The following SGMS2 variants were observed in gnomAD, a reference collection of about 807,000 sequenced individuals.
The protein encoded by SGMS2 is sphingomyelin synthase 2.
In SGMS2, 21 loss-of-function variants were observed where a neutral mutation model predicts 43.8. The ratio of observed to expected loss-of-function variants is 0.48; its 90% CI spans 0.34 to 0.69. The LOEUF (loss-of-function observed/expected upper bound fraction) is 0.69. Among genes scored for constraint, SGMS2 ranks in the 30% least tolerant of loss-of-function variants. The probability of loss-of-function intolerance (pLI) is 0.01; values close to 1 mark genes in which losing one functional copy is unlikely to be tolerated. For synonymous variants in SGMS2, 167 were observed against 160.6 expected (o/e 1.04, Z -0.30); for missense variants, 384 against 443.2 (o/e 0.87, Z 1.20).
chr4:107,865,268 C>T (rs1177052281), intron 2 of SGMS2, among the ~76,000 whole-genome samples: 2 of 152,066 alleles, frequency 1.3e-5, no homozygotes, highest in Non-Finnish European at 2.9e-5. Flanking sequence ...TAGTCTGCAA[C>T]CCAGAAAAAA....
intron 2 of SGMS2, among the ~76,000 whole-genome samples, chr4:107,881,693 G>C (rs1164382083): frequency 6.6e-6 from 1 of 152,008 alleles, no homozygotes; most frequent in Non-Finnish European, 1.5e-5. Flanking sequence ...TCAAATACCA[G>C]AACTTACTCA....
At position 107,896,349 on chromosome 4, in the gene SGMS2, C is replaced by T. The variant is rs140025458; in HGVS notation, c.455+341C>T. ...GGCTTGGAAAGGAATAACATTCACT[C>T]CCATCATGTTTGTTATTTCAGGCTC... On this transcript the variant is annotated intron_variant, in intron 3 of 6. Coordinates refer to ENST00000690982, the MANE Select transcript of SGMS2 (RefSeq NM_001375905.1). Among the ~76,000 whole-genome samples the T allele has an allele frequency of 2.4e-3, 362 of 152,224 alleles. 3 individuals carry two copies. Among genetic ancestry groups the T allele is most frequent in the African/African-American group, 8.4e-3 (347 of 41,538 alleles).
chr4:107,848,806 T>C (rs1367959062), intron 1 of SGMS2, among the ~76,000 whole-genome samples: 1 of 152,194 alleles, frequency 6.6e-6, no homozygotes, highest in African/African-American at 2.4e-5. Context: ...AATATGTTTT[T>C]TATCAGATGT....
chr4:107,900,000 G>C (rs928567937), intron 4 of SGMS2, among the ~76,000 whole-genome samples: 1 of 151,990 alleles, frequency 6.6e-6, no homozygotes, highest in Non-Finnish European at 1.5e-5. Flanking sequence ...ATGTACCAGG[G>C]ATTGTAGTAA....
chr4:107,894,487 C>G (rs1560666178), intron 2 of SGMS2: 2 of 152,132 alleles, frequency 1.3e-5, no homozygotes, highest in Non-Finnish European at 2.9e-5. Context: ...GGGTGAGTCC[C>G]CTGAGCTGGT....
chr4:107,847,495 C>T (rs916210497), intron 1 of SGMS2, among the ~76,000 whole-genome samples: 6 of 151,744 alleles, frequency 4.0e-5, no homozygotes, highest in African/African-American at 7.3e-5. Flanking sequence ...GTACCAGTAC[C>T]ATGCTGTTTT....
intron 2 of SGMS2, among the ~76,000 whole-genome samples, chr4:107,874,857 G>A (rs1728791984): frequency 6.6e-6 from 1 of 152,094 alleles, no homozygotes; most frequent in African/African-American, 2.4e-5. Flanking sequence ...CATGTCTTCA[G>A]TGAAGGGTTG....
intron 2 of SGMS2, among the ~76,000 whole-genome samples, chr4:107,860,537 T>G (rs1727667617): frequency 6.6e-6 from 1 of 152,004 alleles, no homozygotes; most frequent in Non-Finnish European, 1.5e-5. Context: ...TTTTTTTTTT[T>G]TTGAGACGGA....
At chr4:107,850,338 A>T (rs1727066523) in intron 1 of SGMS2, among the ~76,000 whole-genome samples, 1 of 152,246 alleles carries the variant, frequency 6.6e-6, no homozygotes, top group Non-Finnish European at 1.5e-5. Flanking sequence ...ATGGTCTAAG[A>T]CAATGTGGTT....
Position 107,841,072 on chromosome 4 carries a change from A to G in SGMS2, c.-327+15819A>G, listed in dbSNP as rs570393569. Among the ~76,000 whole-genome samples, 24 of 152,372 alleles carry G rather than the reference A, an allele frequency of 1.6e-4. 2 individuals carry two copies. In the East Asian group the frequency reaches 4.4e-3, roughly 28 times the overall value. On this transcript the variant is annotated intron_variant, in intron 1 of 6. Transcript: ENST00000690982. ...GGGCATATAATTACAAGTTATGGAA[A>G]AGGACCAATGGTGCTGGGAAAATAA...
chr4:107,874,320 T>G (rs1039042646), intron 2 of SGMS2, among the ~76,000 whole-genome samples: 1 of 152,202 alleles, frequency 6.6e-6, no homozygotes, highest in Non-Finnish European at 1.5e-5. Context: ...TTAGAAACTT[T>G]GCTTTGCAAC....
rs557445237 is a variant in SGMS2 at position 107,910,897 on chromosome 4, C to G, written c.*344C>G. 142 of 213,986 alleles carry G rather than the reference C, an allele frequency of 6.6e-4. No individual in the cohort carries two copies. Among genetic ancestry groups the G allele is most frequent in the Non-Finnish European group, 1.1e-3 (115 of 106,508 alleles). The allele number at this position is 213,986 out of a possible 1,614,324, so 13.3% of individuals were successfully genotyped here. On this transcript the variant is annotated 3_prime_UTR_variant, in exon 7 of 7. Transcript: ENST00000690982. ...TTCAGAATTTTTTCAGGATATTTTT[C>G]AGCCCAAGGTCAGAAGAATGTGTTA...
rs1301174194 is a variant in SGMS2 at position 107,910,755 on chromosome 4, G to A, written c.*202G>A. ...CCTGAGAAAGATACATTCTCTTGCA[G>A]CTCTTCATTCATTGGTGACAAGCCC... On this transcript the variant is annotated 3_prime_UTR_variant, in exon 7 of 7. Coordinates refer to ENST00000690982, the MANE Select transcript of SGMS2 (RefSeq NM_001375905.1). 1 of 546,822 alleles carries A rather than the reference G, an allele frequency of 1.8e-6. No individual in the cohort carries two copies. 33.9% of individuals were successfully genotyped at this position (546,822 alleles called of 1,614,324 possible).
At chr4:107,892,114 A>G (rs1730270949) in intron 2 of SGMS2, among the ~76,000 whole-genome samples, 2 of 151,618 alleles carry the variant, frequency 1.3e-5, no homozygotes, top group African/African-American at 4.8e-5. Flanking sequence ...GAGCAGGAAA[A>G]AAAAAAAAAA....
chr4:107,875,198 C>A (rs927125826), intron 2 of SGMS2, among the ~76,000 whole-genome samples: 1 of 152,186 alleles, frequency 6.6e-6, no homozygotes, highest in Non-Finnish European at 1.5e-5. Flanking sequence ...TATAAAGACA[C>A]ATGCACATGT....
At chr4:107,836,481 A>G (rs1380351854) in intron 1 of SGMS2, among the ~76,000 whole-genome samples, 1 of 152,214 alleles carries the variant, frequency 6.6e-6, no homozygotes, top group African/African-American at 2.4e-5. Context: ...AATGCCATAA[A>G]ATGTGCCTGG....
At chr4:107,848,458 G>C (rs1270360301) in intron 1 of SGMS2, among the ~76,000 whole-genome samples, 1 of 152,146 alleles carries the variant, frequency 6.6e-6, no homozygotes, top group African/African-American at 2.4e-5. Context: ...CTTGTCACAT[G>C]CTAAGACTCT....
At chr4:107,846,267 C>G (rs1238311852) in intron 1 of SGMS2, among the ~76,000 whole-genome samples, 1 of 99,478 alleles carries the variant, frequency 1.0e-5, no homozygotes, top group African/African-American at 4.0e-5. Flanking sequence ...CCCCCCTCCC[C>G]CCACCCCACA....
At chr4:107,831,054 A>G (rs1321333017) in intron 1 of SGMS2, among the ~76,000 whole-genome samples, 1 of 152,182 alleles carries the variant, frequency 6.6e-6, no homozygotes, top group Non-Finnish European at 1.5e-5. Flanking sequence ...TGTGGAAGCA[A>G]TTTGGAAAGT....
Sources: gnomAD v4.1 joint callset for allele counts (sites outside exome capture counted in the v4.1 genomes callset) on GRCh38, gnomAD v4.1.1 for gene constraint, MANE v1.5 for transcripts, NCBI Gene and HGNC (gene_info 2026-07-23, HGNC 2026-07-21) for gene names.